Variants in DTX1 observed in about 807,000 individuals in gnomAD.
DTX1 encodes the protein E3 ubiquitin-protein ligase DTX1.
In DTX1, 26 loss-of-function variants were observed where a neutral mutation model predicts 57.8. The ratio of observed to expected loss-of-function variants is 0.45; its 90% CI spans 0.33 to 0.62. The LOEUF is 0.62. DTX1 is among the 20% of genes least tolerant of loss of function. The probability of loss-of-function intolerance (pLI) is 0.02; values close to 1 mark genes in which losing one functional copy is unlikely to be tolerated. For synonymous variants in DTX1, 398 were observed against 394.1 expected (o/e 1.01, Z -0.12); for missense variants, 704 against 895.3 (o/e 0.79, Z 2.73).
intron 3 of DTX1, among the ~76,000 whole-genome samples, chr12:113,085,491 C>G (rs1472106345): frequency 6.6e-6 from 1 of 152,150 alleles, no homozygotes; most frequent in African/African-American, 2.4e-5. Context: ...GAACTTTTTC[C>G]TGTTTACTGG....
intron 2 of DTX1, among the ~76,000 whole-genome samples, chr12:113,061,881 T>C (rs2044666603): frequency 6.6e-6 from 1 of 151,982 alleles, no homozygotes. Flanking sequence ...AATTTTTGTA[T>C]TTTTAGTAGA....
intron 2 of DTX1, among the ~76,000 whole-genome samples, chr12:113,071,175 CTCTG>C (rs1377623024): frequency 6.6e-6 from 1 of 152,242 alleles, no homozygotes. Flanking sequence ...GTATGTCTCT[CTCTG>C]TCTCTCTCCA....
chr12:113,086,070 C>A (rs561246496), intron 3 of DTX1, among the ~76,000 whole-genome samples: 1 of 151,998 alleles, frequency 6.6e-6, no homozygotes, highest in African/African-American at 2.4e-5. Flanking sequence ...GAATTTGAGA[C>A]CAGCCTGGAC....
chr12:113,058,151 C>A lies in DTX1; in HGVS notation c.-42C>A. 6.5e-7 allele frequency: 1 copy of A among 1,546,034 alleles called. No homozygotes were observed. Among genetic ancestry groups the A allele is most frequent in the Non-Finnish European group, 8.7e-7 (1 of 1,145,746 alleles). On this transcript the variant is annotated 5_prime_UTR_variant, in exon 2 of 10. Coordinates refer to ENST00000548759, the MANE Select transcript of DTX1 (RefSeq NM_004416.3). ...GCTGCCAGGCCCAGGAGGAGCTGGG[C>A]CTGCAATAGTGGGGGACCTGGCCCC...
chr12:113,077,176 C>A lies in DTX1; in HGVS notation c.260-248C>A, dbSNP rs1447508095. Among the ~76,000 whole-genome samples, 2 of 152,162 alleles carry A rather than the reference C, an allele frequency of 1.3e-5. No homozygotes were observed. Among genetic ancestry groups the A allele is most frequent in the African/African-American group, 4.8e-5 (2 of 41,430 alleles). ...CCAGTGCTATGCGCTGAACCTTTAGCCCCGGCCCCCCTCACCCTGGCTGCC... is the reference window on the plus strand; with the variant it reads ...CCAGTGCTATGCGCTGAACCTTTAGACCCGGCCCCCCTCACCCTGGCTGCC... On this transcript the variant is annotated intron_variant, in intron 2 of 9. Coordinates refer to ENST00000548759, the MANE Select transcript of DTX1 (RefSeq NM_004416.3). This position sits in a 1 kb window ranked among gnomAD's most constrained non-coding sequence, Gnocchi z 7.8.
intron 9 of DTX1, 104 bp downstream of exon 9, chr12:113,095,518 C>A: frequency 7.0e-6 from 10 of 1,426,320 alleles, no homozygotes; most frequent in East Asian, 2.4e-5. Flanking sequence ...CCTGCTCTCA[C>A]ATTCCTCCCA....
chr12:113,064,587 A>T (rs529021392), intron 2 of DTX1, among the ~76,000 whole-genome samples: 1 of 152,280 alleles, frequency 6.6e-6, no homozygotes, highest in East Asian at 1.9e-4. Context: ...ACAGATACAG[A>T]CCTAAAACCC....
chr12:113,062,731 C>T (rs1231860995), intron 2 of DTX1, among the ~76,000 whole-genome samples: 2 of 152,362 alleles, frequency 1.3e-5, no homozygotes, highest in East Asian at 1.9e-4. Flanking sequence ...ATGTGCCTCC[C>T]GTGCAGTGCA....
chr12:113,068,846 A>G (rs1172339538), intron 2 of DTX1, among the ~76,000 whole-genome samples: 2 of 152,216 alleles, frequency 1.3e-5, no homozygotes, highest in African/African-American at 4.8e-5. Flanking sequence ...CTCTGGTGGC[A>G]TGGGCCAGAG....
intron 3 of DTX1, among the ~76,000 whole-genome samples, chr12:113,080,901 G>A (rs542463078): frequency 6.6e-6 from 1 of 151,800 alleles, no homozygotes; most frequent in African/African-American, 2.4e-5. Context: ...CTTGAGCCCA[G>A]TAGGTCAAGG....
chr12:113,076,746 T>C (rs2136058484), intron 2 of DTX1, among the ~76,000 whole-genome samples: 1 of 152,332 alleles, frequency 6.6e-6, no homozygotes, highest in East Asian at 1.9e-4. Flanking sequence ...AATGAACTAA[T>C]GCAAGAATTG....
At position 113,093,827 on chromosome 12, in the gene DTX1, C is replaced by G; in HGVS notation, c.1165+127C>G. 2 of 1,462,868 alleles carry G rather than the reference C, an allele frequency of 1.4e-6. No individual in the cohort carries two copies. Among genetic ancestry groups the G allele is most frequent in the Non-Finnish European group, 1.9e-6 (2 of 1,078,108 alleles). 90.6% of individuals were successfully genotyped at this position (1,462,868 alleles called of 1,614,324 possible). A position where few individuals can be genotyped will look rare whatever the true frequency, so the allele number is the denominator to read the frequency against. ...TCACCTCCATTGCCTGATCTCAGCT[C>G]CCCTTGCCCTGGCCCCATCTTTCAC... is the stretch of plus-strand genomic sequence containing the variant. On this transcript the variant is annotated intron_variant, in intron 5 of 9. Coordinates refer to ENST00000548759, the MANE Select transcript of DTX1 (RefSeq NM_004416.3). This position sits in a 1 kb window ranked among gnomAD's most constrained non-coding sequence, Gnocchi z 4.2.
At position 113,096,912 on chromosome 12, in the gene DTX1, C is replaced by A; in HGVS notation, c.1836C>A (p.Gly612=). The A allele has an allele frequency of 6.2e-7, 1 of 1,612,264 alleles. No homozygotes were observed. Among genetic ancestry groups the A allele is most frequent in the Non-Finnish European group, 8.5e-7 (1 of 1,179,936 alleles). The change falls in exon 10 of 10, where the codon GGC becomes GGA. Residue 612 remains glycine, a synonymous_variant. Transcript: ENST00000548759. The part of the protein sequence containing the change: ...DNVLAELTAQ[G]VSEAAAKA The stretch of plus-strand genomic sequence containing the variant: ...TGCTGGCTGAGCTCACAGCCCAGGG[C>A]GTATCCGAGGCTGCAGCCAAGGCTT...
intron 3 of DTX1, among the ~76,000 whole-genome samples, chr12:113,087,969 C>T (rs2044874895): frequency 6.6e-6 from 1 of 152,178 alleles, no homozygotes; most frequent in Non-Finnish European, 1.5e-5. Flanking sequence ...AGTTAGACAG[C>T]CCTGATCTAC....
At chr12:113,063,459 C>G (rs1390766847) in intron 2 of DTX1, among the ~76,000 whole-genome samples, 1 of 152,242 alleles carries the variant, frequency 6.6e-6, no homozygotes, top group Non-Finnish European at 1.5e-5. Context: ...AGCTCGCTCC[C>G]TGGCCTCATA....
intron 2 of DTX1, among the ~76,000 whole-genome samples, chr12:113,070,032 TGAA>T (rs2044728775): frequency 6.6e-6 from 1 of 152,050 alleles, no homozygotes; most frequent in Non-Finnish European, 1.5e-5. Flanking sequence ...GAACAGCAAA[TGAA>T]GCAAGGTGGC....
chr12:113,095,660 A>T, intron 9 of DTX1: 1 of 516,502 alleles, frequency 1.9e-6, no homozygotes, highest in Non-Finnish European at 3.4e-6. Flanking sequence ...AGGGCAAGTC[A>T]CTTGACTGTG....
chr12:113,097,969 T>G lies in DTX1; in HGVS notation c.*1030T>G, dbSNP rs772491457. ...GATTTAAAGGGATGCCAGCGATTGC[T>G]CTTTTCAAAACCTACCAGTCCCACT... On this transcript the variant is annotated 3_prime_UTR_variant, in exon 10 of 10. Coordinates refer to ENST00000548759, the MANE Select transcript of DTX1 (RefSeq NM_004416.3). The G allele has an allele frequency of 1.1e-3, 168 of 152,678 alleles. 2 individuals carry two copies. Among genetic ancestry groups the G allele is most frequent in the Non-Finnish European group, 1.4e-3 (96 of 68,054 alleles). The allele number at this position is 152,678 out of a possible 1,614,324, so 9.5% of individuals were successfully genotyped here.
At chr12:113,082,449 C>T (rs995909653) in intron 3 of DTX1, among the ~76,000 whole-genome samples, 1 of 152,174 alleles carries the variant, frequency 6.6e-6, no homozygotes, top group Non-Finnish European at 1.5e-5. Context: ...ATTGCTGAGA[C>T]AGCTGAGGCC....
Sources: allele counts gnomAD v4.1 joint callset (sites outside exome capture counted in the v4.1 genomes callset), GRCh38; gene constraint gnomAD v4.1.1; non-coding constraint Gnocchi (gnomAD v3.1); transcripts MANE v1.5; gene names NCBI Gene and HGNC (gene_info 2026-07-23, HGNC 2026-07-21).